Variants in ALMS1 observed in about 807,000 individuals in gnomAD.
The protein encoded by ALMS1 is ALMS1 centrosome and basal body associated protein.
Under a neutral mutation model 352.2 loss-of-function variants are expected in ALMS1, and 271 were observed. That is an observed-to-expected ratio of 0.77 (90% CI 0.70 to 0.85). ALMS1 has a LOEUF of 0.85. Among genes scored for constraint, ALMS1 ranks in the 40% least tolerant of loss-of-function variants. ALMS1 has a pLI of 0.00. For missense variants in ALMS1, 5,445 were observed against 4,870.7 expected (o/e 1.12, Z -3.51); for synonymous variants, 1,865 against 1,761.2 (o/e 1.06, Z -1.48).
At chr2:73,539,767 G>A (rs1674122806) in intron 12 of ALMS1, among the ~76,000 whole-genome samples, 2 of 152,190 alleles carry the variant, frequency 1.3e-5, no homozygotes, top group African/African-American at 2.4e-5. Context: ...CTGGCAGAAA[G>A]GGTATCAGTG....
At chr2:73,569,361 C>T (rs185305348) in intron 15 of ALMS1, among the ~76,000 whole-genome samples, 291 of 152,058 alleles carry the variant, frequency 1.9e-3, no homozygotes, top group Middle Eastern at 6.8e-3. Context: ...TTACTTCATT[C>T]CCAGGCTGGG....
At chr2:73,602,078 C>A in intron 19 of ALMS1, 107 bp from the exon 20 acceptor site, 1 of 1,167,076 alleles carries the variant, frequency 8.6e-7, no homozygotes, top group Non-Finnish European at 1.2e-6. Flanking sequence ...GCATTTGAAT[C>A]AGACTTCCCC....
At chr2:73,467,084 G>A (rs115676734) in intron 9 of ALMS1, among the ~76,000 whole-genome samples, 1,496 of 144,048 alleles carry the variant, frequency 0.01, 28 homozygotes, top group African/African-American at 0.036. Context: ...TGTTGGGTTA[G>A]GCAAAGGTTT....
intron 16 of ALMS1, among the ~76,000 whole-genome samples, chr2:73,579,468 C>G (rs1036722760): frequency 1.3e-5 from 2 of 151,914 alleles, no homozygotes. Context: ...TCAAGTGATT[C>G]TTCTGCCTCA....
chr2:73,571,992 C>A (rs932825200), intron 15 of ALMS1, among the ~76,000 whole-genome samples: 1 of 152,110 alleles, frequency 6.6e-6, no homozygotes, highest in African/African-American at 2.4e-5. Context: ...CTTTTATGAT[C>A]TGGAGAACTG....
At chr2:73,465,589 A>G (rs1329772601) in intron 9 of ALMS1, among the ~76,000 whole-genome samples, 1 of 152,218 alleles carries the variant, frequency 6.6e-6, no homozygotes, top group African/African-American at 2.4e-5. Context: ...CAAAGACTTC[A>G]TGTCTAAAAC....
At chr2:73,421,848 A>G (rs1216616873) in intron 3 of ALMS1, among the ~76,000 whole-genome samples, 11 of 152,288 alleles carry the variant, frequency 7.2e-5, no homozygotes, top group Admixed American at 2.0e-4. Context: ...GTAATGTGAG[A>G]GAGGAGTCCT....
In ALMS1 at chr2:73,572,661, CTG is replaced by C. The variant is rs1218465638; in HGVS notation, c.10787_10788del (p.Val3596GlufsTer4). 7 of 1,613,948 alleles carry C rather than the reference CTG, an allele frequency of 4.3e-6. No homozygotes were observed. In the African/African-American group the frequency reaches 8.0e-5, roughly 18 times the overall value. ...ACCCCAGAGCAAACAACTCAGCACA[CTG>C]TGAGTTTGAATGAACTGTGGAACAA... On this transcript the variant is annotated frameshift_variant, in exon 16 of 23. Coordinates refer to ENST00000613296, the MANE Select transcript of ALMS1 (RefSeq NM_001378454.1). LOFTEE classifies it high-confidence loss of function.
rs1003144577 is a variant in ALMS1 at position 73,448,226 on chromosome 2, A to G, written c.1699A>G (p.Thr567Ala). 3 of 1,613,956 alleles carry G rather than the reference A, an allele frequency of 1.9e-6. No homozygotes were observed. Among genetic ancestry groups the G allele is most frequent in the South Asian group, 1.1e-5 (1 of 91,086 alleles). The change falls in exon 8 of 23, where the codon ACA becomes GCA. Residue 567 changes from threonine (T) to alanine (A), a missense_variant. Coordinates refer to ENST00000613296, the MANE Select transcript of ALMS1 (RefSeq NM_001378454.1). ...IPEPADQKTA[T>A]PTVLSSSHSH... ...TGAACCAGCTGACCAGAAGACTGCA[A>G]CACCAACAGTACTCTCTAGTTCCCA...
chr2:73,580,624 C>G (rs895866418), intron 16 of ALMS1, among the ~76,000 whole-genome samples: 1 of 152,216 alleles, frequency 6.6e-6, no homozygotes, highest in East Asian at 1.9e-4. Flanking sequence ...TTTCTTGTTT[C>G]TTTTCATGCC....
At chr2:73,525,771 T>G (rs1673778506) in intron 11 of ALMS1, among the ~76,000 whole-genome samples, 1 of 152,180 alleles carries the variant, frequency 6.6e-6, no homozygotes, top group Non-Finnish European at 1.5e-5. Context: ...TGAAATCTTT[T>G]TAACTTGATG....
chr2:73,593,511 C>T (rs1675475749), intron 16 of ALMS1, among the ~76,000 whole-genome samples: 1 of 152,032 alleles, frequency 6.6e-6, no homozygotes, highest in Non-Finnish European at 1.5e-5. Flanking sequence ...CTTTTTTCTC[C>T]AAACAAGACT....
At chr2:73,471,909 A>G (rs564583551) in intron 9 of ALMS1, among the ~76,000 whole-genome samples, 3 of 152,170 alleles carry the variant, frequency 2.0e-5, no homozygotes, top group Admixed American at 6.6e-5. Context: ...CATGTTCACA[A>G]TAGCATTAAT....
At chr2:73,461,978 A>T in intron 9 of ALMS1, among the ~76,000 whole-genome samples, 1 of 152,078 alleles carries the variant, frequency 6.6e-6, no homozygotes, top group Non-Finnish European at 1.5e-5. Context: ...TCTACGTCTG[A>T]TTGGTGTACC....
rs1471176164 is a variant in ALMS1, at chr2:73,534,831, T to C, written c.9789T>C (p.Pro3263=). ...TGATTTTTACCTCCTTAGGCCAGCCTTTATTATTGCCATATAAGCCTTCTG... is the reference window on the plus strand; with the variant it reads ...TGATTTTTACCTCCTTAGGCCAGCCCTTATTATTGCCATATAAGCCTTCTG... The part of the protein sequence containing the change: ...VTFSRGTDGQ[P]LLLPYKPSGS... Residue 3263 remains proline, a synonymous_variant, in exon 12 of 23, where the codon CCT becomes CCC. Coordinates refer to ENST00000613296, the MANE Select transcript of ALMS1 (RefSeq NM_001378454.1). 6.2e-7 allele frequency: 1 copy of C among 1,613,466 alleles called. No homozygotes were observed. The highest frequency in any genetic ancestry group is 1.3e-5 in the African/African-American group (1 of 74,920).
At chr2:73,583,196 CT>C (rs145512133) in intron 16 of ALMS1, among the ~76,000 whole-genome samples, 45,347 of 143,564 alleles carry the variant, frequency 0.32, 8,450 homozygotes, top group African/African-American at 0.55. Context: ...TCCACTTTTA[CT>C]TTTTTTTTTT....
chr2:73,487,019 GC>G (rs1418950456), intron 9 of ALMS1, among the ~76,000 whole-genome samples: 1 of 152,188 alleles, frequency 6.6e-6, no homozygotes, highest in Non-Finnish European at 1.5e-5. Flanking sequence ...CAGCATTCCA[GC>G]CTGGGTGACA....
chr2:73,493,488 C>T (rs951479296), intron 10 of ALMS1, among the ~76,000 whole-genome samples: 1 of 151,750 alleles, frequency 6.6e-6, no homozygotes, highest in Admixed American at 6.6e-5. Context: ...TTTGGGAGGC[C>T]AAGGTGGGCG....
At chr2:73,472,919 A>C (rs1672497122) in intron 9 of ALMS1, among the ~76,000 whole-genome samples, 1 of 152,146 alleles carries the variant, frequency 6.6e-6, no homozygotes, top group Non-Finnish European at 1.5e-5. Context: ...TTTAAAAGCC[A>C]GAGTATCAGC....
Sources: allele counts gnomAD v4.1 joint callset (sites outside exome capture counted in the v4.1 genomes callset), GRCh38; gene constraint gnomAD v4.1.1; transcripts MANE v1.5; gene names NCBI Gene and HGNC (gene_info 2026-07-23, HGNC 2026-07-21).